The following SLC6A2 variants were observed in gnomAD, a reference collection of about 807,000 sequenced individuals.
The protein encoded by SLC6A2 is sodium-dependent noradrenaline transporter.
Under a neutral mutation model 71.7 loss-of-function variants are expected in SLC6A2, and 26 were observed. That is an observed-to-expected ratio of 0.36 (90% CI 0.27 to 0.50). The LOEUF is 0.50. SLC6A2 is among the 20% of genes least tolerant of loss of function. SLC6A2 has a pLI of 0.96. For missense variants in SLC6A2, 581 were observed against 803.9 expected, an observed-to-expected ratio of 0.72 and a Z score of 3.35; for synonymous variants, 363 against 337.9, an observed-to-expected ratio of 1.07 and a Z score of -0.82.
intron 2 of SLC6A2, among the ~76,000 whole-genome samples, chr16:55,660,935 T>C (rs1304257475): frequency 6.6e-6 from 1 of 152,200 alleles, no homozygotes; most frequent in East Asian, 1.9e-4. Flanking sequence ...GTTTTCTGAA[T>C]GAATTACTGG....
intron 2 of SLC6A2, among the ~76,000 whole-genome samples, chr16:55,663,347 T>A (rs879476958): frequency 1.3e-5 from 2 of 152,174 alleles, no homozygotes; most frequent in Non-Finnish European, 2.9e-5. Flanking sequence ...AAGTGAGTTC[T>A]CACGCCACTC....
intron 3 of SLC6A2, 40 bp downstream of exon 3, chr16:55,669,736 G>A: frequency 1.2e-6 from 2 of 1,612,648 alleles, no homozygotes; most frequent in Admixed American, 1.7e-5. Flanking sequence ...TGTTCATAAA[G>A]GCTTCCCTGT....
chr16:55,691,230 GGAGAGAGAGA>G (rs56308124), intron 5 of SLC6A2, among the ~76,000 whole-genome samples: 1,201 of 46,448 alleles, frequency 0.026, 59 homozygotes, highest in South Asian at 0.078. Flanking sequence ...GGGGAGAGGG[GGAGAGAGAGA>G]GAGAGAGAGA....
chr16:55,662,139 T>G (rs1251913955), intron 2 of SLC6A2, among the ~76,000 whole-genome samples: 4 of 152,180 alleles, frequency 2.6e-5, no homozygotes, highest in Non-Finnish European at 5.9e-5. Context: ...ACTGGCATGG[T>G]TTGGCTTGTT....
intron 11 of SLC6A2, among the ~76,000 whole-genome samples, chr16:55,699,182 T>C (rs1965893914): frequency 6.6e-6 from 1 of 152,216 alleles, no homozygotes; most frequent in African/African-American, 2.4e-5. Context: ...TCCTATCAGA[T>C]TGAAGTCAGG....
At chr16:55,686,231 T>C (rs1965447984) in intron 5 of SLC6A2, among the ~76,000 whole-genome samples, 1 of 152,210 alleles carries the variant, frequency 6.6e-6, no homozygotes, top group South Asian at 2.1e-4. Context: ...ATATTCTAGA[T>C]GGTGCATACA....
At chr16:55,661,186 A>AT (rs1448224288) in intron 2 of SLC6A2, among the ~76,000 whole-genome samples, 2 of 152,164 alleles carry the variant, frequency 1.3e-5, no homozygotes, top group Non-Finnish European at 2.9e-5. Flanking sequence ...CTGGGTGCTC[A>AT]TTTTTGCCTT....
chr16:55,668,127 G>A (rs1161900273), intron 2 of SLC6A2, among the ~76,000 whole-genome samples: 2 of 151,922 alleles, frequency 1.3e-5, no homozygotes, highest in African/African-American at 4.8e-5. Context: ...CTACTCACAA[G>A]GGACTAGGTC....
intron 10 of SLC6A2, 90 bp downstream of exon 10, chr16:55,698,115 G>A (rs1965857063): frequency 1.4e-6 from 2 of 1,394,376 alleles, no homozygotes; most frequent in African/African-American, 1.4e-5. Flanking sequence ...AACTGGGGCT[G>A]AGCTCAGGGA....
intron 14 of SLC6A2, 109 bp downstream of exon 14, chr16:55,702,043 C>A: frequency 1.1e-6 from 1 of 913,644 alleles, no homozygotes; most frequent in Non-Finnish European, 1.8e-6. Flanking sequence ...CCCAGAAACC[C>A]AGTGTGAGCT....
chr16:55,698,863 C>T (rs1244120082), intron 11 of SLC6A2, among the ~76,000 whole-genome samples: 1 of 152,174 alleles, frequency 6.6e-6, no homozygotes, highest in East Asian at 1.9e-4. Flanking sequence ...GCAAACACAA[C>T]ACGGGTTGCC....
intron 2 of SLC6A2, among the ~76,000 whole-genome samples, chr16:55,660,266 G>A (rs4784553): frequency 6.6e-6 from 1 of 152,126 alleles, no homozygotes; most frequent in Non-Finnish European, 1.5e-5. Flanking sequence ...AAGGGTGCAG[G>A]GGCAAGTTGG....
chr16:55,690,565 C>G (rs2397772), intron 5 of SLC6A2, among the ~76,000 whole-genome samples: 44,131 of 152,054 alleles, frequency 0.29, 7,456 homozygotes, highest in Non-Finnish European at 0.37. Flanking sequence ...CATGTTTCAG[C>G]TGAGTCCTCC....
At chr16:55,674,764 T>G (rs1298499409) in intron 4 of SLC6A2, among the ~76,000 whole-genome samples, 1 of 152,176 alleles carries the variant, frequency 6.6e-6, no homozygotes, top group East Asian at 1.9e-4. Context: ...GATGGGCACC[T>G]AGGTTGATGA....
At chr16:55,668,812 C>T (rs1964822911) in intron 2 of SLC6A2, among the ~76,000 whole-genome samples, 1 of 152,192 alleles carries the variant, frequency 6.6e-6, no homozygotes, top group Admixed American at 6.5e-5. Context: ...TGGTCAGAGA[C>T]TTGAACCTCT....
intron 4 of SLC6A2, among the ~76,000 whole-genome samples, chr16:55,677,982 C>G (rs564560470): frequency 2.0e-5 from 3 of 152,148 alleles, no homozygotes; most frequent in African/African-American, 7.2e-5. Context: ...TTTTAGGAGC[C>G]TTCTGCCCTA....
chr16:55,656,539 C>A lies in SLC6A2; in HGVS notation c.-51-105C>A. The A allele has an allele frequency of 1.1e-6, 1 of 913,540 alleles. No individual in the cohort carries two copies. The highest frequency in any genetic ancestry group is 1.7e-6 in the Non-Finnish European group (1 of 577,408). 56.6% of individuals were successfully genotyped at this position (913,540 alleles called of 1,614,324 possible). A position where few individuals can be genotyped will look rare whatever the true frequency, so the allele number is the denominator to read the frequency against. Reference sequence around the variant, plus strand: ...CTTTTCTGGGAACCCTGCGTCCGCTCAGCGCGCGCTCATCCCAGTGTCTAA... The same window carrying A: ...CTTTTCTGGGAACCCTGCGTCCGCTAAGCGCGCGCTCATCCCAGTGTCTAA... On this transcript the variant is annotated intron_variant, in intron 1 of 14. Coordinates refer to ENST00000568943, the MANE Select transcript of SLC6A2 (RefSeq NM_001172501.3). The surrounding 1 kb of genome is among the most constrained non-coding windows in gnomAD (Gnocchi z 4.5).
At chr16:55,681,079 C>A (rs1345718058) in intron 4 of SLC6A2, among the ~76,000 whole-genome samples, 2 of 152,170 alleles carry the variant, frequency 1.3e-5, no homozygotes, top group African/African-American at 4.8e-5. Context: ...CGGAGTCTCC[C>A]CAGCCGACCC....
intron 11 of SLC6A2, among the ~76,000 whole-genome samples, chr16:55,699,059 C>T (rs1304847796): frequency 2.0e-5 from 3 of 152,224 alleles, no homozygotes; most frequent in Admixed American, 1.3e-4. Context: ...ATTTTACAAA[C>T]CCTTAAATGT....
Sources: allele counts gnomAD v4.1 joint callset (sites outside exome capture counted in the v4.1 genomes callset), GRCh38; gene constraint gnomAD v4.1.1; non-coding constraint Gnocchi (gnomAD v3.1); transcripts MANE v1.5; gene names NCBI Gene and HGNC (gene_info 2026-07-23, HGNC 2026-07-21).